Variants in HYDIN observed in about 807,000 individuals in gnomAD.
HYDIN encodes the protein axonemal central pair apparatus protein HYDIN.
Under a neutral mutation model 403.9 loss-of-function variants are expected in HYDIN, and 132 were observed. The ratio of observed to expected loss-of-function variants is 0.33; its 90% confidence interval spans 0.28 to 0.38. The LOEUF (loss-of-function observed/expected upper bound fraction) is 0.38, where lower values mean the gene tolerates loss of function less well. Among genes scored for constraint, HYDIN ranks in the 10% least tolerant of loss-of-function variants. HYDIN has a pLI of 1.00. For synonymous variants in HYDIN, 1,202 were observed against 1,891.7 expected (o/e 0.64, Z 9.46); for missense variants, 2,827 against 5,009.5 (o/e 0.56, Z 13.15).
chr16:70,905,895 T>C (rs2656756), intron 50 of HYDIN, among the ~76,000 whole-genome samples: 14,744 of 147,174 alleles, frequency 0.1, 2,343 homozygotes, highest in African/African-American at 0.35. Context: ...CCCTCCTGTC[T>C]GGCTTTGAAG....
intron 5 of HYDIN, among the ~76,000 whole-genome samples, chr16:71,173,218 T>C (rs138293739): frequency 8.5e-5 from 13 of 152,364 alleles, no homozygotes; most frequent in African/African-American, 2.9e-4. Context: ...ATCCTCACTA[T>C]GTCTCCTCAA....
intron 18 of HYDIN, among the ~76,000 whole-genome samples, chr16:71,060,111 G>C (rs959504751): frequency 1.3e-5 from 2 of 151,766 alleles, no homozygotes; most frequent in Non-Finnish European, 2.9e-5. Context: ...CATCTAAAAA[G>C]TGTTTTTTTG....
At chr16:71,167,667 C>T (rs1414649162) in intron 5 of HYDIN, among the ~76,000 whole-genome samples, 1 of 151,892 alleles carries the variant, frequency 6.6e-6, no homozygotes, top group Admixed American at 6.6e-5. Context: ...ATTCACACAC[C>T]CATAAAAGAA....
At chr16:71,161,458 T>A (rs1362125774) in intron 6 of HYDIN, among the ~76,000 whole-genome samples, 7 of 152,206 alleles carry the variant, frequency 4.6e-5, no homozygotes, top group Non-Finnish European at 8.8e-5. Context: ...CCATGGTGTC[T>A]ACACTGTGGT....
Position 71,067,312 on chromosome 16 carries a change from G to A in HYDIN, c.2053C>T (p.Leu685=), listed in dbSNP as rs1259325750. The part of the protein sequence containing the change: ...VDVEGIGEEV[L]ALLITARCVV... ...TACCTTGCTGTAATTAAGAGCGCCA[G>A]CACCTCTTCTCCGATGCCCTCCACG... Residue 685 remains leucine (L), a synonymous_variant, in exon 15 of 86, where the codon CTG becomes TTG. Transcript: ENST00000393567. The A allele has an allele frequency of 6.2e-7, 1 of 1,612,380 alleles. No homozygotes were observed. Among genetic ancestry groups the A allele is most frequent in the African/African-American group, 1.3e-5 (1 of 74,740 alleles).
chr16:71,171,461 AT>A (rs1294535817), intron 5 of HYDIN, among the ~76,000 whole-genome samples: 1 of 152,222 alleles, frequency 6.6e-6, no homozygotes, highest in Non-Finnish European at 1.5e-5. Context: ...AGCTTGTTCT[AT>A]TCTCCATTGG....
chr16:70,931,208 CTGTTTTTTTTT>C (rs1171590210), intron 45 of HYDIN, among the ~76,000 whole-genome samples: 131 of 78,226 alleles, frequency 1.7e-3, no homozygotes, highest in African/African-American at 4.4e-3. Context: ...TCTCTTTCTT[CTGTTTTTTTTT>C]TTTTTTTTTT....
At chr16:71,103,778 CA>C (rs1283582540) in intron 10 of HYDIN, among the ~76,000 whole-genome samples, 2 of 151,686 alleles carry the variant, frequency 1.3e-5, no homozygotes, top group African/African-American at 2.4e-5. Flanking sequence ...TCAATTTCTA[CA>C]AAAAAACCAT....
chr16:70,908,492 A>G, intron 48 of HYDIN, 58 bp from the exon 49 acceptor site: 1 of 1,321,632 alleles, frequency 7.6e-7, no homozygotes, highest in Non-Finnish European at 1.0e-6. Flanking sequence ...CCAAGAGAAG[A>G]CAGGAGAGCT....
intron 1 of HYDIN, among the ~76,000 whole-genome samples, chr16:71,198,472 G>A (rs1297732981): frequency 1.3e-5 from 2 of 152,114 alleles, no homozygotes; most frequent in Non-Finnish European, 2.9e-5. Flanking sequence ...TTGTAGTTGT[G>A]AAGAATAACT....
intron 23 of HYDIN, among the ~76,000 whole-genome samples, chr16:70,993,188 G>A (rs1461760018): frequency 6.6e-6 from 1 of 152,148 alleles, no homozygotes; most frequent in African/African-American, 2.4e-5. Context: ...CTCTAACCAT[G>A]TCCTAGAGTA....
intron 13 of HYDIN, among the ~76,000 whole-genome samples, chr16:71,075,284 T>G (rs1172028667): frequency 6.6e-6 from 1 of 151,642 alleles, no homozygotes; most frequent in Non-Finnish European, 1.5e-5. Context: ...AATTTTCAGC[T>G]AAGCTAATTA....
At chr16:70,908,907 C>T (rs2143779147) in intron 47 of HYDIN, 46 bp from the exon 48 acceptor site, 3 of 1,604,470 alleles carry the variant, frequency 1.9e-6, no homozygotes, top group South Asian at 1.1e-5. Flanking sequence ...ACTTTTTGTA[C>T]ACACAAACAG....
At chr16:70,880,143 C>T (rs1436872278) in intron 60 of HYDIN, among the ~76,000 whole-genome samples, 1 of 97,304 alleles carries the variant, frequency 1.0e-5, no homozygotes, top group Non-Finnish European at 1.9e-5. Flanking sequence ...ACTGCAGCCT[C>T]GACCTCCTGG....
intron 27 of HYDIN, among the ~76,000 whole-genome samples, chr16:70,985,524 C>T (rs1798492): frequency 1.5e-3 from 228 of 150,314 alleles, no homozygotes; most frequent in South Asian, 9.2e-3. Flanking sequence ...AGAACCGATT[C>T]AGTTTAGGTA....
intron 72 of HYDIN, among the ~76,000 whole-genome samples, chr16:70,856,723 T>A (rs1216271696): frequency 1.3e-5 from 2 of 152,230 alleles, no homozygotes; most frequent in African/African-American, 2.4e-5. Flanking sequence ...GTTATTCTTA[T>A]GCTACATTGC....
chr16:71,185,067 G>T, intron 2 of HYDIN, 77 bp from the exon 3 acceptor site: 2 of 1,011,044 alleles, frequency 2.0e-6, no homozygotes, highest in Non-Finnish European at 2.8e-6. Flanking sequence ...TACCAGTAAT[G>T]AATAATTTGT....
At chr16:71,063,672 C>A (rs907917679) in intron 16 of HYDIN, among the ~76,000 whole-genome samples, 2 of 152,168 alleles carry the variant, frequency 1.3e-5, no homozygotes, top group Admixed American at 6.5e-5. Flanking sequence ...CTCAGAGAAA[C>A]CCATAGAACC....
Position 70,807,390 on chromosome 16 carries a change from G to C in HYDIN, c.*190C>G. The stretch of plus-strand genomic sequence containing the variant: ...CTAAAATATAGAGCTGTTGTGTGTA[G>C]TTATAATGTTTAATATGGAATAGAT... On this transcript the variant is annotated 3_prime_UTR_variant, in exon 86 of 86. Transcript: ENST00000393567. 2 of 621,410 alleles carry C rather than the reference G, an allele frequency of 3.2e-6. No homozygotes were observed. The highest frequency in any genetic ancestry group is 5.4e-6 in the Non-Finnish European group (2 of 372,042). The allele number at this position is 621,410 out of a possible 1,614,324, so 38.5% of individuals were successfully genotyped here.
Sources: allele counts gnomAD v4.1 joint callset (sites outside exome capture counted in the v4.1 genomes callset), GRCh38; gene constraint gnomAD v4.1.1; transcripts MANE v1.5; gene names NCBI Gene and HGNC (gene_info 2026-07-23, HGNC 2026-07-21).